SNX7: variants seen among roughly 807,000 people sequenced by gnomAD.
SNX7 encodes the protein sorting nexin 7.
A neutral mutation model predicts 48.4 loss-of-function variants in SNX7; 35 were observed. The ratio of observed to expected loss-of-function variants is 0.72; its 90% CI spans 0.55 to 0.96. SNX7 has a LOEUF of 0.96. Among genes scored for constraint, SNX7 ranks in the 40% least tolerant of loss-of-function variants. The probability of loss-of-function intolerance (pLI) is 0.00; values close to 1 mark genes in which losing one functional copy is unlikely to be tolerated. For synonymous variants in SNX7, 190 were observed against 190.2 expected (o/e 1.00, Z 0.01); for missense variants, 553 against 548.9 (o/e 1.01, Z -0.07).
chr1:98,711,042 A>AATCT (rs1418103742), intron 7 of SNX7, among the ~76,000 whole-genome samples: 1 of 152,148 alleles, frequency 6.6e-6, no homozygotes, highest in African/African-American at 2.4e-5. Context: ...TTTGAGACAG[A>AATCT]ATCTAGCTCT....
upstream of SNX7, among the ~76,000 whole-genome samples, chr1:98,661,415 C>T (rs563358046): frequency 6.6e-6 from 1 of 152,212 alleles, no homozygotes; most frequent in East Asian, 1.9e-4. Flanking sequence ...CACTCGGTGG[C>T]CCCCGACTGG....
chr1:98,690,980 A>T, intron 2 of SNX7, 95 bp from the exon 3 acceptor site: 1 of 674,768 alleles, frequency 1.5e-6, no homozygotes, highest in Non-Finnish European at 2.3e-6. Context: ...AATTTTTCTT[A>T]GAGACCCATT....
intron 1 of SNX7, among the ~76,000 whole-genome samples, chr1:98,670,662 A>G (rs900483751): frequency 6.6e-6 from 1 of 152,190 alleles, no homozygotes; most frequent in Admixed American, 6.5e-5. Flanking sequence ...GAAGTAGGGT[A>G]TATGATCTAG....
chr1:98,703,486 T>C (rs1344170672), intron 7 of SNX7, among the ~76,000 whole-genome samples: 3 of 151,996 alleles, frequency 2.0e-5, no homozygotes, highest in Non-Finnish European at 4.4e-5. Flanking sequence ...TGGGCTGCTG[T>C]AGACAGAGTA....
At chr1:98,716,019 T>C (rs1006987427) in intron 7 of SNX7, among the ~76,000 whole-genome samples, 3 of 152,186 alleles carry the variant, frequency 2.0e-5, no homozygotes, top group African/African-American at 7.2e-5. Flanking sequence ...AATCTAGTTA[T>C]AGGGATTCAT....
chr1:98,721,165 A>G (rs66661453), intron 7 of SNX7, among the ~76,000 whole-genome samples: 40,253 of 151,950 alleles, frequency 0.26, 5,662 homozygotes, highest in Middle Eastern at 0.31. Flanking sequence ...GAGTACTGAC[A>G]TGACGCTCAC....
At position 98,679,413 on chromosome 1, in the gene SNX7, C is replaced by T. The variant is rs183208557; in HGVS notation, c.181-5472C>T. ...CCAAACCATATCACTCCACCCCTGG[C>T]GCCTCCCAAATCTCATGTCCTCACA... On this transcript the variant is annotated intron_variant, in intron 1 of 8. Coordinates refer to ENST00000306121, the MANE Select transcript of SNX7 (RefSeq NM_015976.5). 1.3e-3 allele frequency among the ~76,000 whole-genome samples: 202 copies of T among 152,212 alleles called. 1 individual carries two copies. The highest frequency in any genetic ancestry group is 4.5e-3 in the African/African-American group (186 of 41,534).
chr1:98,720,014 T>G (rs1027797248), intron 7 of SNX7, among the ~76,000 whole-genome samples: 1 of 151,546 alleles, frequency 6.6e-6, no homozygotes, highest in Non-Finnish European at 1.5e-5. Flanking sequence ...TCCCTAGTGA[T>G]TTGATGCTGC....
intron 4 of SNX7, among the ~76,000 whole-genome samples, chr1:98,694,752 C>T (rs920248104): frequency 6.6e-6 from 1 of 151,400 alleles, no homozygotes; most frequent in Non-Finnish European, 1.5e-5. Flanking sequence ...GGACTACAGG[C>T]ACCTGCCACC....
At chr1:98,722,869 C>T (rs572107150) in intron 7 of SNX7, among the ~76,000 whole-genome samples, 6 of 152,100 alleles carry the variant, frequency 3.9e-5, no homozygotes, top group Admixed American at 2.0e-4. Context: ...TATATCTTTA[C>T]GTAGATACAC....
chr1:98,740,069 G>A (rs1653994829), intron 8 of SNX7, among the ~76,000 whole-genome samples: 1 of 152,006 alleles, frequency 6.6e-6, no homozygotes, highest in East Asian at 1.9e-4. Context: ...ACAGATCCAT[G>A]GTTTTGTTTT....
chr1:98,679,833 G>A (rs1399311670), intron 1 of SNX7, among the ~76,000 whole-genome samples: 1 of 152,186 alleles, frequency 6.6e-6, no homozygotes, highest in Non-Finnish European at 1.5e-5. Context: ...CCTCCCATCT[G>A]TCTGCTTTCA....
intron 8 of SNX7, among the ~76,000 whole-genome samples, chr1:98,749,782 A>G (rs1654493436): frequency 6.6e-6 from 1 of 152,146 alleles, no homozygotes; most frequent in South Asian, 2.1e-4. Flanking sequence ...GCATAACCTA[A>G]TAATTTTTAT....
intron 8 of SNX7, among the ~76,000 whole-genome samples, chr1:98,740,127 A>G (rs952264939): frequency 6.6e-6 from 1 of 152,156 alleles, no homozygotes; most frequent in African/African-American, 2.4e-5. Context: ...ATCATTTTCT[A>G]TCTCTCCATA....
At chr1:98,730,926 T>A (rs1653474096) in intron 7 of SNX7, among the ~76,000 whole-genome samples, 1 of 152,116 alleles carries the variant, frequency 6.6e-6, no homozygotes, top group Non-Finnish European at 1.5e-5. Flanking sequence ...ACACCACATG[T>A]TCCCACTTAT....
At chr1:98,710,899 A>G (rs1000450763) in intron 7 of SNX7, among the ~76,000 whole-genome samples, 7 of 152,206 alleles carry the variant, frequency 4.6e-5, no homozygotes, top group African/African-American at 1.7e-4. Flanking sequence ...TTTTTTTTGA[A>G]GATGAATTAA....
chr1:98,703,139 C>CT (rs1254974310), intron 7 of SNX7, among the ~76,000 whole-genome samples: 2 of 152,080 alleles, frequency 1.3e-5, no homozygotes, highest in Non-Finnish European at 2.9e-5. Context: ...CTCCCAGGCC[C>CT]TTGTGCACTG....
chr1:98,725,182 A>G (rs1049410895), intron 7 of SNX7, among the ~76,000 whole-genome samples: 1 of 152,196 alleles, frequency 6.6e-6, no homozygotes, highest in Admixed American at 6.5e-5. Flanking sequence ...TGATATATTT[A>G]TATTTGTTAA....
chr1:98,669,362 G>A (rs377570610), intron 1 of SNX7, among the ~76,000 whole-genome samples: 14 of 152,296 alleles, frequency 9.2e-5, no homozygotes, highest in African/African-American at 3.1e-4. Context: ...AGCCTCATAA[G>A]GTCTTCATTC....
Sources: gnomAD v4.1 joint callset for allele counts (sites outside exome capture counted in the v4.1 genomes callset) on GRCh38, gnomAD v4.1.1 for gene constraint, MANE v1.5 for transcripts, NCBI Gene and HGNC (gene_info 2026-07-23, HGNC 2026-07-21) for gene names.